The following GPC6 variants were observed in gnomAD, a reference collection of about 807,000 sequenced individuals.
GPC6 encodes glypican 6.
Under a neutral mutation model 55.2 loss-of-function variants are expected in GPC6, and 14 were observed. The observed-to-expected ratio is 0.25, with a 90% CI of 0.17 to 0.40. The LOEUF is 0.40. Among genes scored for constraint, GPC6 ranks in the 10% least tolerant of loss-of-function variants. GPC6 has a pLI of 1.00. For missense variants in GPC6, 641 were observed against 708.5 expected, an observed-to-expected ratio of 0.90 and a Z score of 1.08; for synonymous variants, 278 against 259.6, an observed-to-expected ratio of 1.07 and a Z score of -0.68.
intron 3 of GPC6, among the ~76,000 whole-genome samples, chr13:93,922,097 AAATG>A (rs1270735798): frequency 6.6e-6 from 1 of 152,214 alleles, no homozygotes; most frequent in Non-Finnish European, 1.5e-5. Flanking sequence ...AAAAAGAAAA[AAATG>A]AAGAAGAAAG....
chr13:93,910,307 A>C (rs1876900294), intron 3 of GPC6, among the ~76,000 whole-genome samples: 1 of 152,180 alleles, frequency 6.6e-6, no homozygotes, highest in African/African-American at 2.4e-5. Context: ...CCACCATGTG[A>C]GAAGTCCCTT....
At chr13:93,495,919 C>G (rs1385138974) in intron 1 of GPC6, among the ~76,000 whole-genome samples, 9 of 147,896 alleles carry the variant, frequency 6.1e-5, no homozygotes, top group Non-Finnish European at 1.2e-4. Flanking sequence ...AACCACTGCT[C>G]TCTTCAAAGC....
At chr13:93,393,838 A>C (rs1458584321) in intron 1 of GPC6, among the ~76,000 whole-genome samples, 1 of 151,530 alleles carries the variant, frequency 6.6e-6, no homozygotes, top group Non-Finnish European at 1.5e-5. Flanking sequence ...CGCTCTCTTA[A>C]GAGTTGTGGT....
At chr13:93,520,867 T>C (rs1489224100) in intron 1 of GPC6, among the ~76,000 whole-genome samples, 2 of 151,498 alleles carry the variant, frequency 1.3e-5, no homozygotes, top group African/African-American at 2.4e-5. Context: ...GGCATGGAGA[T>C]GACATGATAT....
At chr13:93,474,363 GC>G (rs893174534) in intron 1 of GPC6, among the ~76,000 whole-genome samples, 18 of 152,098 alleles carry the variant, frequency 1.2e-4, no homozygotes, top group African/African-American at 4.3e-4. Context: ...CTGTAGATGA[GC>G]CCAGGTGTTT....
intron 4 of GPC6, among the ~76,000 whole-genome samples, chr13:94,225,837 G>T (rs546089058): frequency 7.2e-5 from 11 of 152,150 alleles, no homozygotes; most frequent in African/African-American, 2.7e-4. Flanking sequence ...TCTGGTGTTT[G>T]CAGTGACCTT....
intron 2 of GPC6, among the ~76,000 whole-genome samples, chr13:93,571,370 A>T (rs1594277125): frequency 6.6e-6 from 1 of 152,128 alleles, no homozygotes; most frequent in African/African-American, 2.4e-5. Flanking sequence ...ATTTAGGGTA[A>T]ATTTGCATGG....
intron 2 of GPC6, among the ~76,000 whole-genome samples, chr13:93,646,624 C>A (rs1314931476): frequency 6.6e-6 from 1 of 151,962 alleles, no homozygotes; most frequent in Non-Finnish European, 1.5e-5. Flanking sequence ...TCCGGTAGTC[C>A]TTGAAGTCCT....
chr13:93,622,772 A>C (rs1317337416), intron 2 of GPC6, among the ~76,000 whole-genome samples: 2 of 152,146 alleles, frequency 1.3e-5, no homozygotes, highest in Non-Finnish European at 2.9e-5. Flanking sequence ...ATTCAAAATT[A>C]TATCTTCTAG....
chr13:93,381,750 G>A (rs1399444909), intron 1 of GPC6, among the ~76,000 whole-genome samples: 4 of 152,044 alleles, frequency 2.6e-5, no homozygotes, highest in Non-Finnish European at 4.4e-5. Flanking sequence ...TACACAAGTG[G>A]CACTAGAATA....
chr13:93,519,973 A>C (rs1264898139), intron 1 of GPC6, among the ~76,000 whole-genome samples: 1 of 151,974 alleles, frequency 6.6e-6, no homozygotes, highest in Non-Finnish European at 1.5e-5. Flanking sequence ...TATTCTCTGC[A>C]AGACTTATTT....
intron 1 of GPC6, among the ~76,000 whole-genome samples, chr13:93,397,179 A>T (rs901685570): frequency 1.3e-5 from 2 of 152,200 alleles, no homozygotes; most frequent in African/African-American, 2.4e-5. Flanking sequence ...ATTTATATTT[A>T]AAAATATCCT....
chr13:93,701,753 C>T (rs1453568004), intron 2 of GPC6, among the ~76,000 whole-genome samples: 4 of 151,976 alleles, frequency 2.6e-5, no homozygotes, highest in African/African-American at 4.8e-5. Context: ...GACTACATTC[C>T]ACCTCAAGAA....
intron 4 of GPC6, among the ~76,000 whole-genome samples, chr13:94,119,311 C>A (rs1886545275): frequency 6.6e-6 from 1 of 151,974 alleles, no homozygotes; most frequent in South Asian, 2.1e-4. Context: ...GTGATAAGTG[C>A]TCTGAAGAAA....
At chr13:93,404,795 A>C (rs997557213) in intron 1 of GPC6, among the ~76,000 whole-genome samples, 1 of 151,806 alleles carries the variant, frequency 6.6e-6, no homozygotes, top group Non-Finnish European at 1.5e-5. Context: ...GATTTCTATC[A>C]ATCTGATATT....
intron 4 of GPC6, among the ~76,000 whole-genome samples, chr13:94,079,259 T>A (rs909348559): frequency 3.3e-5 from 5 of 152,080 alleles, no homozygotes; most frequent in Non-Finnish European, 7.4e-5. Flanking sequence ...GGAAGGACTG[T>A]ACCTATAAAA....
At chr13:93,853,670 T>C (rs748978932) in intron 3 of GPC6, among the ~76,000 whole-genome samples, 4 of 151,694 alleles carry the variant, frequency 2.6e-5, no homozygotes, top group Non-Finnish European at 5.9e-5. Flanking sequence ...ATGGTGGCAA[T>C]AATTGTATCT....
rs763094773 is a variant in GPC6, at chr13:93,512,531, ATCT to A, written c.161-32727_161-32725del. Among the ~76,000 whole-genome samples the A allele has an allele frequency of 1.5e-4, 23 of 152,210 alleles. 1 individual carries two copies. The South Asian group carries it at 4.6e-3, about 30-fold the overall frequency. ...AAATCCTACTTGATCATGGTGTATC[ATCT>A]TCTTGATTTGCTGTTGGATTCAGTT... On this transcript the variant is annotated intron_variant, in intron 1 of 8. Transcript: ENST00000377047.
chr13:94,018,125 T>G (rs902267202), intron 3 of GPC6, among the ~76,000 whole-genome samples: 3 of 152,164 alleles, frequency 2.0e-5, no homozygotes, highest in African/African-American at 7.2e-5. Context: ...ATTTTTATCA[T>G]AAAAGTGTGG....
Sources: gnomAD v4.1 joint callset for allele counts (sites outside exome capture counted in the v4.1 genomes callset) on GRCh38, gnomAD v4.1.1 for gene constraint, MANE v1.5 for transcripts, NCBI Gene and HGNC (gene_info 2026-07-23, HGNC 2026-07-21) for gene names.